Variants in RNF144A observed in about 807,000 individuals in gnomAD.
The protein encoded by RNF144A is E3 ubiquitin-protein ligase RNF144A.
In RNF144A, 11 loss-of-function variants were observed where a neutral mutation model predicts 38.7. That is an observed-to-expected ratio of 0.28 (90% CI 0.18 to 0.47). RNF144A has a LOEUF of 0.47. Among genes scored for constraint, RNF144A ranks in the 20% least tolerant of loss-of-function variants. RNF144A has a pLI of 0.99. For missense variants in RNF144A, 316 were observed against 377.2 expected (o/e 0.84, Z 1.34); for synonymous variants, 149 against 143.9 (o/e 1.04, Z -0.25).
At chr2:6,932,643 C>T (rs1362650826) in intron 1 of RNF144A, among the ~76,000 whole-genome samples, 10 of 152,218 alleles carry the variant, frequency 6.6e-5, no homozygotes, top group Non-Finnish European at 8.8e-5. Context: ...ATTTGGTATC[C>T]GGTCAGATAA....
At chr2:7,070,497 G>A (rs1223716173), downstream of RNF144A, among the ~76,000 whole-genome samples, 1 of 152,142 alleles carries the variant, frequency 6.6e-6, no homozygotes, top group African/African-American at 2.4e-5. Flanking sequence ...GGATTAAATT[G>A]TTTCCCTCCA....
chr2:6,970,797 G>A (rs552046976), intron 2 of RNF144A, among the ~76,000 whole-genome samples: 1 of 152,308 alleles, frequency 6.6e-6, no homozygotes, highest in South Asian at 2.1e-4. Context: ...CAAGGCACAG[G>A]ACTGCATTAT....
chr2:7,003,097 G>A (rs751099576), intron 3 of RNF144A, among the ~76,000 whole-genome samples: 6 of 148,800 alleles, frequency 4.0e-5, no homozygotes, highest in Non-Finnish European at 8.8e-5. Flanking sequence ...ATATTTGTAC[G>A]TATATATACA....
intron 1 of RNF144A, among the ~76,000 whole-genome samples, chr2:6,930,825 C>T (rs1219103736): frequency 1.3e-5 from 2 of 152,078 alleles, no homozygotes; most frequent in African/African-American, 4.8e-5. Flanking sequence ...AATTTTTGAG[C>T]TCAAGCAATT....
chr2:7,067,295 T>C (rs1674272309), intron 6 of RNF144A, among the ~76,000 whole-genome samples: 2 of 152,184 alleles, frequency 1.3e-5, no homozygotes, highest in Non-Finnish European at 2.9e-5. Context: ...TCATTAAAAT[T>C]AAAACTGCTC....
intron 7 of RNF144A, among the ~76,000 whole-genome samples, chr2:7,027,674 T>A (rs2037325): frequency 0.023 from 3,508 of 152,328 alleles, 56 homozygotes; most frequent in Non-Finnish European, 0.035. Flanking sequence ...TCCCGGAGCT[T>A]GCACCATTGT....
chr2:7,020,955 C>G (rs1671489426), intron 6 of RNF144A, among the ~76,000 whole-genome samples: 1 of 152,206 alleles, frequency 6.6e-6, no homozygotes, highest in African/African-American at 2.4e-5. Context: ...ATGACAAATG[C>G]ATGCGTGGTT....
intron 2 of RNF144A, among the ~76,000 whole-genome samples, chr2:6,990,550 GA>G (rs1204364432): frequency 8.3e-6 from 1 of 121,112 alleles, no homozygotes; most frequent in African/African-American, 3.3e-5. Flanking sequence ...TATATATAGA[GA>G]GAGAGATTGC....
At chr2:7,072,592 T>A (rs1674522271), downstream of RNF144A, among the ~76,000 whole-genome samples, 1 of 152,228 alleles carries the variant, frequency 6.6e-6, no homozygotes, top group South Asian at 2.1e-4. Flanking sequence ...TCAGAGCATA[T>A]TGTTTTATTT....
intron 2 of RNF144A, among the ~76,000 whole-genome samples, chr2:6,954,866 C>T (rs1454006764): frequency 6.6e-6 from 1 of 152,202 alleles, no homozygotes; most frequent in African/African-American, 2.4e-5. Flanking sequence ...AGTTGATATT[C>T]TAGATTATTT....
At chr2:7,009,419 A>G (rs2460404) in intron 3 of RNF144A, among the ~76,000 whole-genome samples, 84,130 of 151,994 alleles carry the variant, frequency 0.55, 24,175 homozygotes, top group Non-Finnish European at 0.64. Context: ...TGCCTCCTGC[A>G]CACCACCCAA....
chr2:6,998,831 T>C (rs1460274563), intron 3 of RNF144A, among the ~76,000 whole-genome samples: 1 of 151,946 alleles, frequency 6.6e-6, no homozygotes, highest in African/African-American at 2.4e-5. Flanking sequence ...TCACCTCCTC[T>C]TACTTGAAAG....
chr2:6,988,166 A>T (rs1331604604), intron 2 of RNF144A, among the ~76,000 whole-genome samples: 1 of 152,238 alleles, frequency 6.6e-6, no homozygotes, highest in Non-Finnish European at 1.5e-5. Flanking sequence ...AGATGGACCG[A>T]TATGGATTTA....
intron 2 of RNF144A, among the ~76,000 whole-genome samples, chr2:6,954,459 G>A (rs1024273663): frequency 2.0e-5 from 3 of 152,154 alleles, no homozygotes; most frequent in South Asian, 2.1e-4. Flanking sequence ...ATGCTTATTC[G>A]TTTTTTAGTT....
intron 2 of RNF144A, among the ~76,000 whole-genome samples, chr2:6,969,394 G>C (rs952034023): frequency 6.6e-6 from 1 of 152,132 alleles, no homozygotes; most frequent in Non-Finnish European, 1.5e-5. Flanking sequence ...ATGATATAAA[G>C]AGAAGACGGC....
chr2:7,048,151 TC>T (rs1673382320), downstream of RNF144A, among the ~76,000 whole-genome samples: 1 of 152,108 alleles, frequency 6.6e-6, no homozygotes, highest in African/African-American at 2.4e-5. Context: ...GCTCAGGAAA[TC>T]CTGAGGGGGA....
rs79585230 is a variant in RNF144A, at chr2:7,034,322, G to A, written c.747+4107G>A. ...GTGCGGTGAGACTTGGAGCGATAGT[G>A]TTTGGGGAAACAGAGCAGCCAGGAG... On this transcript the variant is annotated intron_variant, in intron 8 of 8. Coordinates refer to ENST00000320892, the MANE Select transcript of RNF144A (RefSeq NM_014746.6). Among the ~76,000 whole-genome samples the A allele has an allele frequency of 3.5e-3, 538 of 152,248 alleles. 7 individuals are homozygous for A. Among genetic ancestry groups the A allele is most frequent in the African/African-American group, 0.012 (496 of 41,552 alleles).
intron 6 of RNF144A, among the ~76,000 whole-genome samples, chr2:7,059,119 G>A (rs376133571): frequency 2.0e-5 from 3 of 151,960 alleles, no homozygotes; most frequent in Non-Finnish European, 2.9e-5. Flanking sequence ...AGGCTGAGGC[G>A]GGCAGATCAT....
intron 3 of RNF144A, 70 bp downstream of exon 3, chr2:6,997,131 A>C (rs1372072726): frequency 8.7e-6 from 13 of 1,488,472 alleles, no homozygotes; most frequent in Non-Finnish European, 1.2e-5. Flanking sequence ...ATTTGCAGAG[A>C]CACTAGGCAA....
Sources: gnomAD v4.1 joint callset for allele counts (sites outside exome capture counted in the v4.1 genomes callset) on GRCh38, gnomAD v4.1.1 for gene constraint, MANE v1.5 for transcripts, NCBI Gene and HGNC (gene_info 2026-07-23, HGNC 2026-07-21) for gene names.